Variants in ANKMY1 observed in about 807,000 individuals in gnomAD.
ANKMY1 encodes the protein ankyrin repeat and MYND domain-containing protein 1.
A neutral mutation model predicts 102.0 loss-of-function variants in ANKMY1; 98 were observed. The observed-to-expected ratio is 0.96, with a 90% CI of 0.82 to 1.14. ANKMY1 has a LOEUF of 1.14. ANKMY1 is among the 50% of genes most tolerant of loss of function. The probability of loss-of-function intolerance (pLI) is 0.00; values close to 1 mark genes in which losing one functional copy is unlikely to be tolerated. For synonymous variants in ANKMY1, 582 were observed against 559.9 expected, an observed-to-expected ratio of 1.04 and a Z score of -0.56; for missense variants, 1,330 against 1,347.6, an observed-to-expected ratio of 0.99 and a Z score of 0.20.
chr2:240,502,793 C>T (rs1266769817), intron 13 of ANKMY1, among the ~76,000 whole-genome samples: 1 of 151,252 alleles, frequency 6.6e-6, no homozygotes, highest in Admixed American at 6.6e-5. Context: ...TGCATCCGCC[C>T]CTCACTCACC....
Position 240,513,143 on chromosome 2 carries a change from A to T in ANKMY1, c.2005-201T>A, listed in dbSNP as rs2080564749. On this transcript the variant is annotated intron_variant, in intron 9 of 17. Transcript: ENST00000401804. Reference sequence around the variant, plus strand: ...TCCCAACACGCTGAGCAAGACATACATGTTGCTTCCAATGCCTAATATGCC... The same window carrying T: ...TCCCAACACGCTGAGCAAGACATACTTGTTGCTTCCAATGCCTAATATGCC... Among the ~76,000 whole-genome samples, 3 of 152,328 alleles carry T rather than the reference A, an allele frequency of 2.0e-5. No homozygotes were observed. The South Asian group carries it at 6.2e-4, about 32-fold the overall frequency.
chr2:240,554,738 A>C lies in ANKMY1; in HGVS notation c.336+128T>G, dbSNP rs545897053. On this transcript the variant is annotated intron_variant, in intron 3 of 17. Coordinates refer to ENST00000401804, the MANE Select transcript of ANKMY1 (RefSeq NM_001282771.3). Reference sequence around the variant, plus strand: ...TTTCTCTGGACATTTCTCAAGGAGGAAAAACTTTAGCCTAGCACCCTTCCT... The same window carrying C: ...TTTCTCTGGACATTTCTCAAGGAGGCAAAACTTTAGCCTAGCACCCTTCCT... 1.9e-5 allele frequency: 21 copies of C among 1,104,514 alleles called. No homozygotes were observed. In the Middle Eastern group the frequency reaches 7.9e-4, roughly 41 times the overall value. The allele number at this position is 1,104,514 out of a possible 1,614,324, so 68.4% of individuals were successfully genotyped here. A position where few individuals can be genotyped will look rare whatever the true frequency, so the allele number is the denominator to read the frequency against.
At chr2:240,528,605 T>C (rs1207008772) in intron 5 of ANKMY1, among the ~76,000 whole-genome samples, 3 of 152,010 alleles carry the variant, frequency 2.0e-5, no homozygotes, top group South Asian at 2.1e-4. Flanking sequence ...GCACTAGCTA[T>C]GGCCTGCACA....
At chr2:240,502,611 G>A (rs892114397) in intron 13 of ANKMY1, among the ~76,000 whole-genome samples, 7 of 151,460 alleles carry the variant, frequency 4.6e-5, no homozygotes, top group East Asian at 3.9e-4. Context: ...TGACCTGCCC[G>A]TCGCTCACCA....
intron 5 of ANKMY1, chr2:240,527,726 T>G (rs1337694161): frequency 1.3e-5 from 2 of 152,448 alleles, no homozygotes; most frequent in Admixed American, 1.3e-4. Context: ...CATGCATGAA[T>G]TGATGGATGA....
chr2:240,546,714 G>T (rs1363894510), intron 4 of ANKMY1, among the ~76,000 whole-genome samples: 2 of 152,162 alleles, frequency 1.3e-5, no homozygotes, highest in African/African-American at 4.8e-5. Flanking sequence ...TGCAATACTA[G>T]TCTCTGATAA....
At chr2:240,559,169 A>C (rs2125348299), upstream of ANKMY1, among the ~76,000 whole-genome samples, 1 of 152,290 alleles carries the variant, frequency 6.6e-6, no homozygotes, top group South Asian at 2.1e-4. Flanking sequence ...CTTAGGATGA[A>C]TTGGTTCCCA....
upstream of ANKMY1, among the ~76,000 whole-genome samples, chr2:240,559,046 T>TAGAA (rs1411767102): frequency 6.6e-6 from 1 of 152,210 alleles, no homozygotes; most frequent in Non-Finnish European, 1.5e-5. Flanking sequence ...AACCAACATG[T>TAGAA]AGAAACCCTC....
Position 240,529,205 on chromosome 2 carries a change from T to G in ANKMY1, c.785A>C (p.Tyr262Ser). The change falls in exon 5 of 18, where the codon TAC becomes TCC. Residue 262 changes from tyrosine to serine, a missense_variant. Coordinates refer to ENST00000401804, the MANE Select transcript of ANKMY1 (RefSeq NM_001282771.3). This position sits in a 1 kb window ranked among gnomAD's most constrained non-coding sequence, Gnocchi z 4.2. ...NLTLPPEMYV[Y>S]STNSDHLPMT... is the part of the protein sequence containing the mutation. ...GGGCAGGTGGTCACTGTTGGTCGAG[T>G]AGACATACATTTCTGGAGGCAGCGT... 6.2e-7 allele frequency: 1 copy of G among 1,614,136 alleles called. No homozygotes were observed. The highest frequency in any genetic ancestry group is 8.5e-7 in the Non-Finnish European group (1 of 1,180,016).
chr2:240,497,541 C>T (rs1311768179), intron 15 of ANKMY1, among the ~76,000 whole-genome samples: 1 of 152,204 alleles, frequency 6.6e-6, no homozygotes, highest in African/African-American at 2.4e-5. Context: ...TCTTTGTATG[C>T]TGTGTGCTCT....
intron 15 of ANKMY1, among the ~76,000 whole-genome samples, chr2:240,495,474 A>T (rs2077135030): frequency 6.6e-6 from 1 of 152,202 alleles, no homozygotes; most frequent in Admixed American, 6.5e-5. Flanking sequence ...TGAAAGTATT[A>T]AAAGTCTCTG....
Position 240,542,038 on chromosome 2 carries a change from C to G in ANKMY1, c.480+10876G>C, listed in dbSNP as rs367916731. Among the ~76,000 whole-genome samples the G allele has an allele frequency of 1.4e-3, 205 of 151,762 alleles. 3 individuals carry two copies. Among genetic ancestry groups the G allele is most frequent in the African/African-American group, 4.7e-3 (195 of 41,392 alleles). Reference sequence around the variant, plus strand: ...CAGCCTGGCCAACATGGTGAAACCCCAACTACTAAAAATACAAAAATTAGC... The same window carrying G: ...CAGCCTGGCCAACATGGTGAAACCCGAACTACTAAAAATACAAAAATTAGC... On this transcript the variant is annotated intron_variant, in intron 4 of 17. Coordinates refer to ENST00000401804, the MANE Select transcript of ANKMY1 (RefSeq NM_001282771.3).
chr2:240,530,249 C>T (rs970446832), intron 4 of ANKMY1, among the ~76,000 whole-genome samples: 1 of 152,224 alleles, frequency 6.6e-6, no homozygotes, highest in African/African-American at 2.4e-5. Context: ...GGAGGCGCAT[C>T]TTCCTGAGAT....
Position 240,557,182 on chromosome 2 carries a change from C to G in ANKMY1, c.146+8G>C. On this transcript the variant is annotated splice_region_variant and intron_variant, in intron 2 of 17. Coordinates refer to ENST00000401804, the MANE Select transcript of ANKMY1 (RefSeq NM_001282771.3). ...GGTCGGACCTCCCCGCTGGAGGGTC[C>G]CCCGCACCTTGTGGCGAAGACAGCG... The G allele has an allele frequency of 1.3e-6, 2 of 1,512,578 alleles. No individual in the cohort carries two copies. The highest frequency in any genetic ancestry group is 1.8e-6 in the Non-Finnish European group (2 of 1,123,466). 93.7% of individuals were successfully genotyped at this position (1,512,578 alleles called of 1,614,324 possible).
At chr2:240,500,197 AGGGCTCCTGTCAGC>A in intron 14 of ANKMY1, 74 bp from the exon 15 acceptor site, 1 of 1,463,750 alleles carries the variant, frequency 6.8e-7, no homozygotes, top group Non-Finnish European at 9.1e-7. Flanking sequence ...TCGGTGATCG[AGGGCTCCTGTCAGC>A]TCTTGTGATA....
intron 15 of ANKMY1, among the ~76,000 whole-genome samples, chr2:240,485,886 C>T (rs1478331981): frequency 6.6e-6 from 1 of 152,190 alleles, no homozygotes; most frequent in Non-Finnish European, 1.5e-5. Context: ...AGCCACCATG[C>T]CTGGCCTACC....
intron 16 of ANKMY1, among the ~76,000 whole-genome samples, chr2:240,481,486 G>A (rs1233958569): frequency 1.3e-5 from 2 of 152,210 alleles, no homozygotes; most frequent in Non-Finnish European, 2.9e-5. Context: ...CTCTTCGAGG[G>A]CAGGGCATGG....
At chr2:240,478,756 A>C (rs375668383), downstream of ANKMY1, among the ~76,000 whole-genome samples, 489 of 151,076 alleles carry the variant, frequency 3.2e-3, 3 homozygotes, top group African/African-American at 0.011. Flanking sequence ...CTGCAGGTGC[A>C]GCTGCTTTGA....
chr2:240,521,734 G>A (rs1175969053), intron 8 of ANKMY1, among the ~76,000 whole-genome samples: 3 of 152,124 alleles, frequency 2.0e-5, no homozygotes, highest in Non-Finnish European at 2.9e-5. Flanking sequence ...TCCTGACCTC[G>A]TGATCCACCT....
Sources: allele counts gnomAD v4.1 joint callset (sites outside exome capture counted in the v4.1 genomes callset), GRCh38; gene constraint gnomAD v4.1.1; non-coding constraint Gnocchi (gnomAD v3.1); transcripts MANE v1.5; gene names NCBI Gene and HGNC (gene_info 2026-07-23, HGNC 2026-07-21).